WDFY4: variants seen among roughly 807,000 people sequenced by gnomAD.
WDFY4 encodes the protein WD repeat- and FYVE domain-containing protein 4.
WDFY4 carries 169 observed loss-of-function variants against 351.9 expected under a neutral mutation model. The ratio of observed to expected loss-of-function variants is 0.48; its 90% CI spans 0.42 to 0.55. The LOEUF is 0.55. Among genes scored for constraint, WDFY4 ranks in the 20% least tolerant of loss-of-function variants. The probability of loss-of-function intolerance (pLI) is 0.00; values close to 1 mark genes in which losing one functional copy is unlikely to be tolerated. For missense variants in WDFY4, 3,803 were observed against 3,935.6 expected (o/e 0.97, Z 0.90); for synonymous variants, 1,622 against 1,574.6 (o/e 1.03, Z -0.71).
intron 13 of WDFY4, among the ~76,000 whole-genome samples, chr10:48,764,176 T>G (rs2065596889): frequency 6.6e-6 from 1 of 152,240 alleles, no homozygotes; most frequent in Admixed American, 6.5e-5. Flanking sequence ...CATGTCATCT[T>G]GGAGGCCACA....
At chr10:48,849,578 C>T (rs1269625797) in intron 39 of WDFY4, among the ~76,000 whole-genome samples, 1 of 152,200 alleles carries the variant, frequency 6.6e-6, no homozygotes, top group Non-Finnish European at 1.5e-5. Flanking sequence ...CATTCTCCAT[C>T]CCAGGTTCAC....
intron 47 of WDFY4, chr10:48,914,046 A>T (rs1272876239): frequency 6.2e-7 from 1 of 1,614,080 alleles, no homozygotes. Context: ...GGTAATTCCC[A>T]TCTTGCTCAA....
intron 1 of WDFY4, among the ~76,000 whole-genome samples, chr10:48,692,224 A>G (rs1054041369): frequency 6.6e-6 from 1 of 152,276 alleles, no homozygotes; most frequent in Non-Finnish European, 1.5e-5. Flanking sequence ...GGAAAAGCCC[A>G]GGGCACTGCC....
intron 39 of WDFY4, among the ~76,000 whole-genome samples, chr10:48,840,021 G>T (rs1371960374): frequency 6.6e-6 from 1 of 152,158 alleles, no homozygotes; most frequent in Admixed American, 6.5e-5. Flanking sequence ...GCTCTTCATC[G>T]TACTGTCTGG....
Position 48,805,354 on chromosome 10 carries a change from A to G in WDFY4, c.4579A>G (p.Ile1527Val). 1.3e-6 allele frequency: 2 copies of G among 1,549,590 alleles called. No individual in the cohort carries two copies. The highest frequency in any genetic ancestry group is 1.7e-6 in the Non-Finnish European group (2 of 1,146,996). The change falls in exon 26 of 62, where the codon ATC (isoleucine) becomes GTC (valine). Residue 1527 changes from isoleucine (I) to valine (V), a missense_variant. Ile to Val is a conservative substitution (Grantham distance 29). Transcript: ENST00000325239. Reference protein sequence around the residue: ...FNEPSLIPSKISTIIGILACQ... With the variant: ...FNEPSLIPSKVSTIIGILACQ... ...TGAGCCGAGCCTCATCCCCTCCAAG[A>G]TCTCCACCATCATTGGCATCCTGGC...
At chr10:48,938,683 T>A (rs1840558869) in intron 47 of WDFY4, among the ~76,000 whole-genome samples, 1 of 152,190 alleles carries the variant, frequency 6.6e-6, no homozygotes, top group African/African-American at 2.4e-5. Flanking sequence ...TAAGGCCACA[T>A]GGCAGTAGCG....
intron 1 of WDFY4, among the ~76,000 whole-genome samples, chr10:48,706,198 T>C (rs971397699): frequency 6.6e-6 from 1 of 152,232 alleles, no homozygotes; most frequent in African/African-American, 2.4e-5. Flanking sequence ...CACGGATTCA[T>C]TTATACTTTC....
rs1841026573 is a variant in WDFY4 at position 48,946,024 on chromosome 10, C to T, written c.7750-16C>T. ...GGGTCTGGGGAGTTAACTCCAGCTG[C>T]ACATCTGCCTTCTAGACATTGAACT... On this transcript the variant is annotated splice_polypyrimidine_tract_variant and intron_variant, in intron 49 of 61. Transcript: ENST00000325239. 6.6e-7 allele frequency: 1 copy of T among 1,516,788 alleles called. No individual in the cohort carries two copies. Among genetic ancestry groups the T allele is most frequent in the Admixed American group, 2.3e-5 (1 of 43,664 alleles). 94.0% of individuals were successfully genotyped at this position (1,516,788 alleles called of 1,614,324 possible).
chr10:48,782,578 G>A (rs769187102), intron 19 of WDFY4, among the ~76,000 whole-genome samples: 7 of 152,190 alleles, frequency 4.6e-5, no homozygotes, highest in African/African-American at 7.2e-5. Flanking sequence ...GACAGAGTGC[G>A]CTTTCCAAAA....
chr10:48,795,095 T>A (rs1272077837), intron 23 of WDFY4, among the ~76,000 whole-genome samples: 1 of 152,090 alleles, frequency 6.6e-6, no homozygotes, highest in East Asian at 1.9e-4. Context: ...CAAAGAGCAG[T>A]GTCCTTGAGA....
rs2066573685 is a variant in WDFY4, at chr10:48,788,580, T to A, written c.3859T>A (p.Ser1287Thr). 1 of 1,551,850 alleles carries A rather than the reference T, an allele frequency of 6.4e-7. No individual in the cohort carries two copies. The highest frequency in any genetic ancestry group is 1.4e-5 in the African/African-American group (1 of 73,050). ...ATPFVAEERV[S>T]FGLHIASSSI... ...GCCCTTTGTTGCAGAAGAAAGAGTT[T>A]CTTTTGGACTTCACATAGCCAGCTC... Residue 1287 changes from serine to threonine, a missense_variant, in exon 21 of 62, where the codon TCT (serine) becomes ACT (threonine). Physicochemically the swap from Ser to Thr is moderately conservative, Grantham distance 58. This residue lies in a region of WDFY4 where 3,054 missense variants were observed against 3,148.6 expected (regional missense o/e 0.97). Transcript: ENST00000325239.
chr10:48,889,581 G>C (rs556090887), intron 43 of WDFY4, among the ~76,000 whole-genome samples: 2 of 151,886 alleles, frequency 1.3e-5, no homozygotes, highest in Non-Finnish European at 2.9e-5. Flanking sequence ...TGCTGGCCTC[G>C]GCCTTATTCT....
chr10:48,768,198 G>A (rs1014552364), intron 13 of WDFY4, among the ~76,000 whole-genome samples: 1 of 152,302 alleles, frequency 6.6e-6, no homozygotes, highest in East Asian at 1.9e-4. Flanking sequence ...AGAAGTGGGT[G>A]AATCTCCAAG....
chr10:48,703,686 C>A (rs2063543166), intron 1 of WDFY4, among the ~76,000 whole-genome samples: 1 of 152,134 alleles, frequency 6.6e-6, no homozygotes, highest in Non-Finnish European at 1.5e-5. Context: ...CTGAGACTCC[C>A]AACTCTGCAA....
intron 39 of WDFY4, among the ~76,000 whole-genome samples, chr10:48,858,402 G>A (rs183947495): frequency 2.0e-5 from 3 of 152,226 alleles, no homozygotes; most frequent in South Asian, 4.1e-4. Flanking sequence ...TATAAGGTAC[G>A]AGACTTAGGT....
chr10:48,929,333 C>G (rs1197392772), intron 47 of WDFY4, among the ~76,000 whole-genome samples: 3 of 152,174 alleles, frequency 2.0e-5, no homozygotes, highest in Non-Finnish European at 4.4e-5. Flanking sequence ...GAGGCTGGTA[C>G]CAGGCATGGG....
chr10:48,826,261 G>C (rs2068006209), intron 35 of WDFY4, among the ~76,000 whole-genome samples: 1 of 152,192 alleles, frequency 6.6e-6, no homozygotes, highest in Non-Finnish European at 1.5e-5. Flanking sequence ...AGATCAGATG[G>C]TTGTAGATGT....
At chr10:48,805,236 C>G in intron 25 of WDFY4, 24 bp from the exon 26 acceptor site, 1 of 1,526,462 alleles carries the variant, frequency 6.6e-7, no homozygotes, top group Admixed American at 2.1e-5. Flanking sequence ...AAAGCTTTTA[C>G]TGTCTCTCTC....
At chr10:48,705,094 T>C (rs369970796) in intron 1 of WDFY4, among the ~76,000 whole-genome samples, 3 of 152,238 alleles carry the variant, frequency 2.0e-5, no homozygotes, top group East Asian at 3.9e-4. Context: ...GAGCCAAACA[T>C]GTCTGAGAGT....
Sources: allele counts gnomAD v4.1 joint callset (sites outside exome capture counted in the v4.1 genomes callset), GRCh38; gene constraint gnomAD v4.1.1; regional missense constraint gnomAD v4.1.1; transcripts MANE v1.5; gene names NCBI Gene and HGNC (gene_info 2026-07-23, HGNC 2026-07-21).